Variants in KIAA1217 observed in about 807,000 individuals in gnomAD.
KIAA1217 encodes the protein sickle tail protein homolog.
A neutral mutation model predicts 163.9 loss-of-function variants in KIAA1217; 88 were observed. The observed-to-expected ratio is 0.54, with a 90% CI of 0.45 to 0.64. The LOEUF is 0.64. Ranked by LOEUF, KIAA1217 falls within the 30% of genes least tolerant of loss-of-function variation. KIAA1217 has a pLI of 0.00. For synonymous variants in KIAA1217, 903 were observed against 923.1 expected, an observed-to-expected ratio of 0.98 and a Z score of 0.39; for missense variants, 2,372 against 2,475.0, an observed-to-expected ratio of 0.96 and a Z score of 0.88.
intron 1 of KIAA1217, among the ~76,000 whole-genome samples, chr10:23,704,262 T>C (rs1414401456): frequency 7.0e-6 from 1 of 143,072 alleles, no homozygotes; most frequent in African/African-American, 2.6e-5. Flanking sequence ...GCTTCTTTTT[T>C]TCTTTCCTTT....
In KIAA1217 at chr10:24,297,728, C is replaced by T. The variant is rs560664035; in HGVS notation, c.354+77819C>T. ...CTGAGATCATGCCACTGCATTCCAG[C>T]CTGGGCAACAGAACAAGACTCTGTC... is the stretch of plus-strand genomic sequence containing the variant. On this transcript the variant is annotated intron_variant, in intron 2 of 20. Coordinates refer to ENST00000376454, the MANE Select transcript of KIAA1217 (RefSeq NM_019590.5). Among the ~76,000 whole-genome samples, 7 of 152,040 alleles carry T rather than the reference C, an allele frequency of 4.6e-5. No homozygotes were observed. The East Asian group carries it at 7.7e-4, about 17-fold the overall frequency.
intron 2 of KIAA1217, among the ~76,000 whole-genome samples, chr10:24,064,205 TC>T (rs1321167161): frequency 6.6e-6 from 1 of 152,198 alleles, no homozygotes; most frequent in African/African-American, 2.4e-5. Context: ...AGAGAGGGCA[TC>T]CCTGTCTTGT....
intron 2 of KIAA1217, among the ~76,000 whole-genome samples, chr10:24,231,862 G>A (rs1172870172): frequency 6.6e-6 from 1 of 150,600 alleles, no homozygotes; most frequent in African/African-American, 2.4e-5. Context: ...GCAGTGGCAT[G>A]ATCTCGGCTC....
chr10:24,127,129 C>A (rs976472075), intron 2 of KIAA1217, among the ~76,000 whole-genome samples: 1 of 152,126 alleles, frequency 6.6e-6, no homozygotes, highest in African/African-American at 2.4e-5. Context: ...TAAAACAAAT[C>A]ATATTCTCCA....
chr10:23,793,786 A>G lies in KIAA1217; in HGVS notation c.-321+98552A>G, dbSNP rs1039332264. 2.0e-5 allele frequency among the ~76,000 whole-genome samples: 3 copies of G among 152,188 alleles called. No homozygotes were observed. The East Asian group carries it at 5.8e-4, about 29-fold the overall frequency. On this transcript the variant is annotated intron_variant, in intron 1 of 18. Transcript: ENST00000376462. ...CCACACAGGCCAGCCACAGGCAAGC[A>G]CAAAGCACACCCCTAGCTGTGGACT...
intron 1 of KIAA1217, among the ~76,000 whole-genome samples, chr10:23,822,471 G>A (rs1837666724): frequency 6.6e-6 from 1 of 152,156 alleles, no homozygotes; most frequent in Non-Finnish European, 1.5e-5. Context: ...TTGACTTGTG[G>A]AAAATTTGCA....
chr10:24,338,416 A>G (rs2046666661), intron 2 of KIAA1217, among the ~76,000 whole-genome samples: 1 of 152,170 alleles, frequency 6.6e-6, no homozygotes, highest in African/African-American at 2.4e-5. Context: ...AGTGGCCTGA[A>G]AAAAAATGAC....
chr10:24,318,039 G>C (rs2043627011), intron 2 of KIAA1217, among the ~76,000 whole-genome samples: 1 of 152,160 alleles, frequency 6.6e-6, no homozygotes, highest in African/African-American at 2.4e-5. Context: ...GGGTGCAGTG[G>C]CTCATGCCTG....
intron 1 of KIAA1217, among the ~76,000 whole-genome samples, chr10:23,854,367 T>C (rs1197107365): frequency 3.3e-5 from 5 of 152,246 alleles, no homozygotes. Context: ...GATTGCACTG[T>C]GGTCTGAGAG....
At chr10:24,043,947 A>C (rs534351510) in intron 2 of KIAA1217, among the ~76,000 whole-genome samples, 3 of 152,248 alleles carry the variant, frequency 2.0e-5, no homozygotes, top group African/African-American at 7.2e-5. Flanking sequence ...TGAGTATTAA[A>C]GTCCAAGATC....
chr10:23,977,901 C>A (rs141329052), intron 1 of KIAA1217, among the ~76,000 whole-genome samples: 1 of 152,068 alleles, frequency 6.6e-6, no homozygotes, highest in Non-Finnish European at 1.5e-5. Flanking sequence ...ACCTTTGGGA[C>A]CTTGTCTGGG....
chr10:24,473,582 G>A lies in KIAA1217; in HGVS notation c.1201G>A (p.Glu401Lys), dbSNP rs775629414. Residue 401 changes from glutamate to lysine, a missense_variant, in exon 6 of 21, where the codon GAG becomes AAG. Around this residue, in one of 3 missense-constraint regions of KIAA1217, gnomAD observed 1,431 missense variants for 1,470.3 expected, o/e 0.97. Transcript: ENST00000376454. ...CTATGCTGATCCTTACCTTTATCAC[G>A]AGGGACGGATGAGCATAGCCTCATC... Reference protein sequence around the residue: ...GFYADPYLYHEGRMSIASSHG... With the variant: ...GFYADPYLYHKGRMSIASSHG... 8.1e-6 allele frequency: 13 copies of A among 1,614,008 alleles called. No individual in the cohort carries two copies. The highest frequency in any genetic ancestry group is 1.1e-5 in the South Asian group (1 of 91,078).
chr10:24,266,647 A>G lies in KIAA1217; in HGVS notation c.354+46738A>G, dbSNP rs553202461. Among the ~76,000 whole-genome samples, 4 of 152,248 alleles carry G rather than the reference A, an allele frequency of 2.6e-5. No homozygotes were observed. The South Asian group carries it at 6.2e-4, about 24-fold the overall frequency. ...AATTAGTGCTCTGTAAAACACACCA[A>G]TCAGCGCTCTGTAAAATGCACTAAT... On this transcript the variant is annotated intron_variant, in intron 2 of 20. Transcript: ENST00000376454.
intron 2 of KIAA1217, among the ~76,000 whole-genome samples, chr10:24,194,762 A>T (rs1046512302): frequency 2.0e-5 from 2 of 97,978 alleles, no homozygotes; most frequent in Non-Finnish European, 3.9e-5. Flanking sequence ...AGCCAATTAA[A>T]TTTTTTTTTT....
At chr10:23,755,798 G>A (rs542659074) in intron 1 of KIAA1217, among the ~76,000 whole-genome samples, 3 of 152,144 alleles carry the variant, frequency 2.0e-5, no homozygotes, top group South Asian at 4.2e-4. Context: ...CCTCAAGTAA[G>A]CATCTATGCC....
chr10:24,170,786 A>T (rs1482516976), intron 2 of KIAA1217, among the ~76,000 whole-genome samples: 3 of 152,196 alleles, frequency 2.0e-5, no homozygotes, highest in Non-Finnish European at 4.4e-5. Context: ...GTCTACATGG[A>T]TTGAAATTTA....
chr10:24,348,071 A>T (rs1347943325), intron 2 of KIAA1217, among the ~76,000 whole-genome samples: 2 of 152,332 alleles, frequency 1.3e-5, no homozygotes, highest in African/African-American at 4.8e-5. Context: ...AATTATTCTC[A>T]TCTGGCCAGG....
At chr10:24,022,523 G>A (rs1188010804) in intron 2 of KIAA1217, among the ~76,000 whole-genome samples, 1 of 151,722 alleles carries the variant, frequency 6.6e-6, no homozygotes, top group African/African-American at 2.4e-5. Context: ...AACACAAAAT[G>A]GTCCAGCCAC....
chr10:23,824,203 G>A (rs1455751263), intron 1 of KIAA1217, among the ~76,000 whole-genome samples: 1 of 152,030 alleles, frequency 6.6e-6, no homozygotes, highest in African/African-American at 2.4e-5. Context: ...ATCTGGGGGT[G>A]GTAGAGGTTG....
Sources: gnomAD v4.1 joint callset for allele counts (sites outside exome capture counted in the v4.1 genomes callset) on GRCh38, gnomAD v4.1.1 for gene constraint, gnomAD v4.1.1 regional missense constraint, MANE v1.5 for transcripts, NCBI Gene and HGNC (gene_info 2026-07-23, HGNC 2026-07-21) for gene names.